Variants in GNAL observed in about 807,000 individuals in gnomAD.
The protein encoded by GNAL is G protein subunit alpha L.
Under a neutral mutation model 55.1 loss-of-function variants are expected in GNAL, and 18 were observed. The observed-to-expected ratio is 0.33, with a 90% CI of 0.23 to 0.48. GNAL has a LOEUF of 0.48. Ranked by LOEUF, GNAL falls within the 20% of genes least tolerant of loss-of-function variation. GNAL has a pLI of 0.99. For missense variants in GNAL, 412 were observed against 614.1 expected (o/e 0.67, Z 3.48); for synonymous variants, 253 against 237.0 (o/e 1.07, Z -0.62).
intron 4 of GNAL, among the ~76,000 whole-genome samples, chr18:11,820,495 A>C (rs769928926): frequency 2.0e-5 from 3 of 152,256 alleles, no homozygotes; most frequent in Non-Finnish European, 4.4e-5. Flanking sequence ...TAATGTTGAA[A>C]TAACATGATA....
At chr18:11,800,231 T>C (rs1478950895) in intron 4 of GNAL, among the ~76,000 whole-genome samples, 1 of 152,024 alleles carries the variant, frequency 6.6e-6, no homozygotes, top group Middle Eastern at 3.4e-3. Flanking sequence ...ATAATACAAG[T>C]GATGATAGAT....
At chr18:11,801,948 A>C (rs2034532872) in intron 4 of GNAL, among the ~76,000 whole-genome samples, 1 of 152,140 alleles carries the variant, frequency 6.6e-6, no homozygotes, top group Non-Finnish European at 1.5e-5. Context: ...GGAACTGGTA[A>C]TAGCAATAAT....
chr18:11,773,261 A>C (rs768364484), intron 4 of GNAL, among the ~76,000 whole-genome samples: 2 of 152,232 alleles, frequency 1.3e-5, no homozygotes, highest in African/African-American at 4.8e-5. Flanking sequence ...TAACATGCTC[A>C]CTTACCTACA....
intron 8 of GNAL, among the ~76,000 whole-genome samples, chr18:11,867,555 C>G (rs1014657007): frequency 6.6e-6 from 1 of 152,060 alleles, no homozygotes; most frequent in Non-Finnish European, 1.5e-5. Context: ...TGGCTCATAC[C>G]TGTAATCCCA....
intron 1 of GNAL, among the ~76,000 whole-genome samples, chr18:11,750,793 G>C (rs1021460955): frequency 6.6e-6 from 1 of 152,120 alleles, no homozygotes; most frequent in Non-Finnish European, 1.5e-5. Context: ...AAAACTGGTG[G>C]AACTAACAAG....
rs180765229 is a variant in GNAL, at chr18:11,751,329, G to A, written c.377-1524G>A. The stretch of plus-strand genomic sequence containing the variant: ...AGGTGCCAGTCTCGCGCCCTAGTTC[G>A]TTCCTCTGCTACAACGCCAAGTTCG... On this transcript the variant is annotated intron_variant, in intron 1 of 11. Transcript: ENST00000334049. The surrounding 1 kb of genome is among the most constrained non-coding windows in gnomAD (Gnocchi z 4.5). The A allele has an allele frequency of 1.6e-3, 295 of 178,914 alleles. No individual in the cohort carries two copies. Among genetic ancestry groups the A allele is most frequent in the African/African-American group, 6.8e-3 (288 of 42,048 alleles). 11.1% of individuals were successfully genotyped at this position (178,914 alleles called of 1,614,324 possible).
In GNAL at chr18:11,753,951, A is replaced by G; in HGVS notation, c.624+6A>G. On this transcript the variant is annotated splice_donor_region_variant and intron_variant, in intron 4 of 11. Transcript: ENST00000334049. ...CTGACTTTGAATATTCCCAGGTAAG[A>G]AATGCTTACTGAAATATTCTAACTA... 1 of 1,597,706 alleles carries G rather than the reference A, an allele frequency of 6.3e-7. No individual in the cohort carries two copies. Among genetic ancestry groups the G allele is most frequent in the Non-Finnish European group, 8.6e-7 (1 of 1,166,800 alleles).
intron 4 of GNAL, among the ~76,000 whole-genome samples, chr18:11,814,924 C>A (rs1171156474): frequency 6.7e-6 from 1 of 150,134 alleles, no homozygotes; most frequent in Admixed American, 6.6e-5. Flanking sequence ...AAGTTGATTT[C>A]ATAGAAGTAG....
At chr18:11,850,203 G>C (rs1377239068) in intron 5 of GNAL, among the ~76,000 whole-genome samples, 1 of 152,228 alleles carries the variant, frequency 6.6e-6, no homozygotes, top group Non-Finnish European at 1.5e-5. Flanking sequence ...ACTGGCGGAG[G>C]TGGAGGGGCG....
chr18:11,733,980 T>C (rs530756598), intron 1 of GNAL, among the ~76,000 whole-genome samples: 1 of 151,752 alleles, frequency 6.6e-6, no homozygotes, highest in East Asian at 1.9e-4. Context: ...CCATCATTTC[T>C]CTCCTGGAGG....
At chr18:11,793,394 T>C (rs1465470207) in intron 4 of GNAL, among the ~76,000 whole-genome samples, 3 of 151,922 alleles carry the variant, frequency 2.0e-5, no homozygotes, top group African/African-American at 4.8e-5. Flanking sequence ...TTGACAACAA[T>C]TGAGACTCCC....
At chr18:11,738,378 T>C (rs1163771303) in intron 1 of GNAL, among the ~76,000 whole-genome samples, 1 of 151,844 alleles carries the variant, frequency 6.6e-6, no homozygotes, top group African/African-American at 2.4e-5. Flanking sequence ...TGGGCAGCAA[T>C]GTCTCTGGCT....
chr18:11,815,045 G>A (rs867819262), intron 4 of GNAL, among the ~76,000 whole-genome samples: 5 of 152,154 alleles, frequency 3.3e-5, no homozygotes, highest in African/African-American at 1.2e-4. Flanking sequence ...ATAAGTTTGG[G>A]CATTCTATTA....
chr18:11,739,788 C>T (rs1034876633), intron 1 of GNAL, among the ~76,000 whole-genome samples: 1 of 152,062 alleles, frequency 6.6e-6, no homozygotes, highest in Non-Finnish European at 1.5e-5. Context: ...ACCTCCCACA[C>T]TGGTGGGGTC....
Position 11,876,745 on chromosome 18 carries a change from T to TA in GNAL, c.1230+58dup. ...CCTCCCTTCTTAATCTTTTGTTTCT[T>TA]ACAATATGCAAATTACTCCTTGATG... On this transcript the variant is annotated intron_variant, in intron 11 of 11. Transcript: ENST00000334049. 3 of 935,362 alleles carry TA rather than the reference T, an allele frequency of 3.2e-6. No homozygotes were observed. In the South Asian group the frequency reaches 3.9e-5, roughly 12 times the overall value. 57.9% of individuals were successfully genotyped at this position (935,362 alleles called of 1,614,324 possible).
chr18:11,689,374 TG>T lies in GNAL; in HGVS notation c.-188del. ...GACCCTCTGGGGCAGTGAGGGGCTGTGGCCCTCGGCCCCGGCCTGCCGCACC... is the reference window on the plus strand; with the variant it reads ...GACCCTCTGGGGCAGTGAGGGGCTGTGCCCTCGGCCCCGGCCTGCCGCACC... On this transcript the variant is annotated 5_prime_UTR_variant, in exon 1 of 12. The change abolishes the stop of an existing upstream ORF in the 5' untranslated region. Coordinates refer to ENST00000334049, the MANE Select transcript of GNAL (RefSeq NM_182978.4). 2.8e-6 allele frequency: 1 copy of T among 352,458 alleles called. No homozygotes were observed. Among genetic ancestry groups the T allele is most frequent in the Non-Finnish European group, 5.1e-6 (1 of 196,830 alleles). 21.8% of individuals were successfully genotyped at this position (352,458 alleles called of 1,614,324 possible).
chr18:11,725,702 G>A (rs1266429079), intron 1 of GNAL, among the ~76,000 whole-genome samples: 1 of 152,212 alleles, frequency 6.6e-6, no homozygotes, highest in Non-Finnish European at 1.5e-5. Context: ...TTGCCTCCAA[G>A]TTTTGGCAAT....
intron 1 of GNAL, among the ~76,000 whole-genome samples, chr18:11,742,504 T>G (rs1415153833): frequency 5.9e-5 from 9 of 152,340 alleles, no homozygotes; most frequent in African/African-American, 2.2e-4. Flanking sequence ...CTGGCATTCT[T>G]GTTCGGCATC....
At position 11,767,567 on chromosome 18, in the gene GNAL, C is replaced by A. The variant is rs1253944178; in HGVS notation, c.624+13622C>A. On this transcript the variant is annotated intron_variant, in intron 4 of 11. Coordinates refer to ENST00000334049, the MANE Select transcript of GNAL (RefSeq NM_182978.4). ...CCTTGTGCTTGCACACTTGCACTCT[C>A]CACGCCCTTGGCCTTGCACGCTTGT... 2.0e-5 allele frequency among the ~76,000 whole-genome samples: 3 copies of A among 152,062 alleles called. No homozygotes were observed. In the East Asian group the frequency reaches 5.8e-4, roughly 29 times the overall value.
Sources: allele counts gnomAD v4.1 joint callset (sites outside exome capture counted in the v4.1 genomes callset), GRCh38; gene constraint gnomAD v4.1.1; non-coding constraint Gnocchi (gnomAD v3.1); transcripts MANE v1.5; gene names NCBI Gene and HGNC (gene_info 2026-07-23, HGNC 2026-07-21).